MAST4: variants seen among roughly 807,000 people sequenced by gnomAD.
MAST4 encodes microtubule associated serine/threonine kinase family member 4.
MAST4 carries 89 observed loss-of-function variants against 162.7 expected under a neutral mutation model. That is an observed-to-expected ratio of 0.55 (90% confidence interval 0.46 to 0.65). The LOEUF (loss-of-function observed/expected upper bound fraction) is 0.65, where lower values mean the gene tolerates loss of function less well. Ranked by LOEUF, MAST4 falls within the 30% of genes least tolerant of loss-of-function variation. The pLI, the probability that MAST4 is intolerant of heterozygous loss-of-function variation, is 0.00. For synonymous variants in MAST4, 1,479 were observed against 1,361.1 expected (o/e 1.09, Z -1.91); for missense variants, 3,153 against 3,374.0 (o/e 0.93, Z 1.62).
At chr5:66,597,136 C>T (rs923012751) in intron 1 of MAST4, 118 bp downstream of exon 1, 4 of 1,216,202 alleles carry the variant, frequency 3.3e-6, no homozygotes, top group Non-Finnish European at 4.1e-6. Context: ...GGGAGGGACC[C>T]CAAGCGCTCT....
At chr5:67,013,374 G>A (rs958206203) in intron 4 of MAST4, among the ~76,000 whole-genome samples, 1 of 152,174 alleles carries the variant, frequency 6.6e-6, no homozygotes, top group Admixed American at 6.5e-5. Context: ...AACTGAAAAT[G>A]TGAAATTTGC....
intron 21 of MAST4, among the ~76,000 whole-genome samples, chr5:67,144,306 T>C (rs1770775141): frequency 6.6e-6 from 1 of 152,178 alleles, no homozygotes; most frequent in Admixed American, 6.5e-5. Context: ...CTTTTTCCAG[T>C]TGACTTCATG....
rs114098091 is a variant in MAST4, at chr5:67,140,368, C to T, written c.2495-1747C>T. On this transcript the variant is annotated intron_variant, in intron 19 of 28. Transcript: ENST00000403625. ...AAAATAAGATGGGCAGTTGTGCATA[C>T]GGACATTGATTAGGGATAGGTGAGA... is the stretch of plus-strand genomic sequence containing the variant. Among the ~76,000 whole-genome samples, 1,210 of 152,328 alleles carry T rather than the reference C, an allele frequency of 7.9e-3. 19 individuals are homozygous for T. Among genetic ancestry groups the T allele is most frequent in the African/African-American group, 0.028 (1,143 of 41,560 alleles).
chr5:66,639,552 G>T (rs568035175), intron 1 of MAST4, among the ~76,000 whole-genome samples: 49 of 152,206 alleles, frequency 3.2e-4, no homozygotes, highest in African/African-American at 1.1e-3. Flanking sequence ...TTTAAGCATG[G>T]TGTTTTAGTA....
intron 1 of MAST4, among the ~76,000 whole-genome samples, chr5:66,719,413 A>G (rs1751057954): frequency 6.6e-6 from 1 of 152,182 alleles, no homozygotes; most frequent in African/African-American, 2.4e-5. Context: ...AGAATTTCCT[A>G]TTTGTAAACT....
At chr5:66,815,602 CAA>C (rs1402426953) in intron 3 of MAST4, among the ~76,000 whole-genome samples, 1 of 152,110 alleles carries the variant, frequency 6.6e-6, no homozygotes, top group Non-Finnish European at 1.5e-5. Flanking sequence ...TTTCAGAAGA[CAA>C]ATAACGTTTT....
chr5:67,050,034 A>T (rs975175916), intron 4 of MAST4, among the ~76,000 whole-genome samples: 4 of 152,078 alleles, frequency 2.6e-5, no homozygotes, highest in African/African-American at 9.7e-5. Flanking sequence ...GCAGAAATGG[A>T]ATGGGGTACT....
intron 3 of MAST4, among the ~76,000 whole-genome samples, chr5:66,876,221 C>T (rs544429445): frequency 4.3e-4 from 65 of 152,258 alleles, no homozygotes; most frequent in African/African-American, 1.5e-3. Flanking sequence ...AAATGAATTG[C>T]CTGGTAAACA....
At chr5:66,695,681 A>T (rs1749354498) in intron 1 of MAST4, among the ~76,000 whole-genome samples, 1 of 152,084 alleles carries the variant, frequency 6.6e-6, no homozygotes, top group Non-Finnish European at 1.5e-5. Flanking sequence ...CAGAATGGTG[A>T]TTTTAAAAAG....
intron 3 of MAST4, among the ~76,000 whole-genome samples, chr5:66,887,460 T>A (rs916926606): frequency 6.6e-6 from 1 of 152,212 alleles, no homozygotes; most frequent in East Asian, 1.9e-4. Flanking sequence ...AAAACCCAAC[T>A]AATAGTAGGT....
chr5:66,940,022 A>G (rs77416114), intron 4 of MAST4, among the ~76,000 whole-genome samples: 2,177 of 152,114 alleles, frequency 0.014, 45 homozygotes, highest in African/African-American at 0.049. Context: ...AGTTATGATC[A>G]TGCTCCTACA....
At chr5:66,929,994 G>T (rs1742001857) in intron 4 of MAST4, among the ~76,000 whole-genome samples, 1 of 152,126 alleles carries the variant, frequency 6.6e-6, no homozygotes. Context: ...CTCATACAGA[G>T]ACCTTTCCAT....
At chr5:66,663,705 T>G (rs1747058044) in intron 1 of MAST4, among the ~76,000 whole-genome samples, 1 of 152,178 alleles carries the variant, frequency 6.6e-6, no homozygotes, top group Non-Finnish European at 1.5e-5. Context: ...ATCAGAGAGA[T>G]AATGGGGCAG....
At chr5:66,673,885 T>A (rs1472315184) in intron 1 of MAST4, among the ~76,000 whole-genome samples, 1 of 152,240 alleles carries the variant, frequency 6.6e-6, no homozygotes. Context: ...AGCCTTCATC[T>A]TTCATTAGCA....
intron 1 of MAST4, among the ~76,000 whole-genome samples, chr5:66,623,965 A>G (rs970559309): frequency 6.6e-6 from 1 of 152,184 alleles, no homozygotes; most frequent in African/African-American, 2.4e-5. Flanking sequence ...TACATCAACA[A>G]TAAACTCTCT....
rs767019485 is a variant in MAST4, at chr5:66,775,027, GTGTGTGTGTA to G, written c.518-13633_518-13624del. ...TGTGTGTGTGTGTGTGTGTGTGTGTGTGTGTGTGTATGTGTGTGTTTTCCCCCTGTAGCTG... is the reference window on the plus strand; with the variant it reads ...TGTGTGTGTGTGTGTGTGTGTGTGTGTGTGTGTGTTTTCCCCCTGTAGCTG... On this transcript the variant is annotated intron_variant, in intron 2 of 28. Coordinates refer to ENST00000403625, the MANE Select transcript of MAST4 (RefSeq NM_001164664.2). Among the ~76,000 whole-genome samples the G allele has an allele frequency of 6.0e-3, 761 of 127,060 alleles. 3 individuals are homozygous for G. Among genetic ancestry groups the G allele is most frequent in the Middle Eastern group, 0.041 (10 of 244 alleles). 83.4% of individuals were successfully genotyped at this position (127,060 alleles called of 152,430 possible).
chr5:66,840,715 A>G (rs946895737), intron 3 of MAST4, among the ~76,000 whole-genome samples: 13 of 152,278 alleles, frequency 8.5e-5, no homozygotes, highest in Admixed American at 4.6e-4. Flanking sequence ...TTGGTCATCT[A>G]TCTTGAGAAG....
At chr5:67,054,612 T>G (rs543387362) in intron 5 of MAST4, 120 bp downstream of exon 5, 1 of 892,734 alleles carries the variant, frequency 1.1e-6, no homozygotes, top group South Asian at 1.9e-5. Flanking sequence ...TCCTGCTGTT[T>G]TATCCCTAAG....
At chr5:66,964,165 C>A (rs984094507) in intron 4 of MAST4, 4 of 427,136 alleles carry the variant, frequency 9.4e-6, no homozygotes, top group South Asian at 1.8e-5. Context: ...CTATTTTATA[C>A]ACTATTATTT....
Sources: allele counts gnomAD v4.1 joint callset (sites outside exome capture counted in the v4.1 genomes callset), GRCh38; gene constraint gnomAD v4.1.1; transcripts MANE v1.5; gene names NCBI Gene and HGNC (gene_info 2026-07-23, HGNC 2026-07-21).